FAM120C: variants seen among roughly 807,000 people sequenced by gnomAD.
FAM120C encodes the protein constitutive coactivator of PPAR-gamma-like protein 2.
Under a neutral mutation model 71.2 loss-of-function variants are expected in FAM120C, and 14 were observed. The observed-to-expected ratio is 0.20, with a 90% confidence interval of 0.13 to 0.31. The LOEUF (loss-of-function observed/expected upper bound fraction) is 0.31, where lower values mean the gene tolerates loss of function less well. FAM120C is among the 10% of genes least tolerant of loss of function. The pLI is 1.00. For synonymous variants in FAM120C, 354 were observed against 353.2 expected (o/e 1.00, Z -0.03); for missense variants, 500 against 879.0 (o/e 0.57, Z 5.45).
rs782356930 is a variant in FAM120C, at chrX:54,182,872, C to A, written c.327G>T (p.Pro109=). 47 of 1,112,831 alleles carry A rather than the reference C, an allele frequency of 4.2e-5. No individual in the cohort carries two copies. The Admixed American group carries it at 1.4e-3, about 32-fold the overall frequency. The allele number at this position is 1,112,831 out of a possible 1,213,427, so 91.7% of individuals were successfully genotyped here. A position where few individuals can be genotyped will look rare whatever the true frequency, so the allele number is the denominator to read the frequency against. Residue 109 remains proline (P), a synonymous_variant, in exon 1 of 16, where the codon CCG becomes CCT. Coordinates refer to ENST00000375180, the MANE Select transcript of FAM120C (RefSeq NM_017848.6). ...CCCGGGCCCCGGGCAGCTGAGGGGG[C>A]GGCGGCGGCGGCAGCGGAGGGTGCA... ...PGLHPPLPPP[P]PPQLPGARVL...
intron 4 of FAM120C, among the ~76,000 whole-genome samples, chrX:54,140,991 T>C (rs1177598477): frequency 1.8e-5 from 2 of 109,534 alleles, no homozygotes; most frequent in Non-Finnish European, 3.8e-5. Flanking sequence ...TAAAAACTCC[T>C]CAAATTTAGT....
intron 3 of FAM120C, among the ~76,000 whole-genome samples, chrX:54,153,600 T>C (rs1200579936): frequency 1.9e-5 from 2 of 104,443 alleles, no homozygotes; most frequent in Non-Finnish European, 3.9e-5. Flanking sequence ...GACACAGTCT[T>C]GCTGTCGCTC....
At chrX:54,099,257 T>C (rs1386211776) in intron 10 of FAM120C, among the ~76,000 whole-genome samples, 1 of 110,463 alleles carries the variant, frequency 9.1e-6, no homozygotes, top group Non-Finnish European at 1.9e-5. Context: ...TTCAAGCGAT[T>C]TTCACACCTC....
intron 1 of FAM120C, among the ~76,000 whole-genome samples, chrX:54,175,933 T>C (rs782789427): frequency 9.0e-6 from 1 of 111,326 alleles, no homozygotes; most frequent in South Asian, 3.8e-4. Flanking sequence ...ACAAACTAAA[T>C]ATAGGAAAAA....
chrX:54,107,289 G>T (rs1557124983), intron 10 of FAM120C, among the ~76,000 whole-genome samples: 1 of 108,619 alleles, frequency 9.2e-6, no homozygotes, highest in Non-Finnish European at 1.9e-5. Flanking sequence ...TAGCGACGGG[G>T]TTTCGCCATG....
At position 54,133,806 on chromosome X, in the gene FAM120C, A is replaced by G. The variant is rs782002611; in HGVS notation, c.1857T>C (p.Leu619=). The G allele has an allele frequency of 8.3e-7, 1 of 1,210,734 alleles. No homozygotes were observed. The highest frequency in any genetic ancestry group is 1.8e-5 in the South Asian group (1 of 56,790). The part of the protein sequence containing the change: ...RVAEHRHRRG[L]MYPYIYHVLT... ...GGACATGGTAGATATATGGGTACAT[A>G]AGACCCCTCCGGTGTCTGTGTTCAG... Residue 619 remains leucine (L), a synonymous_variant, in exon 8 of 16, where the codon CTT becomes CTC. Coordinates refer to ENST00000375180, the MANE Select transcript of FAM120C (RefSeq NM_017848.6).
intron 10 of FAM120C, among the ~76,000 whole-genome samples, chrX:54,098,446 T>C (rs2066865468): frequency 9.0e-6 from 1 of 111,604 alleles, no homozygotes; most frequent in Admixed American, 9.6e-5. Context: ...GATTTCTCCA[T>C]ATCCTTTTCA....
At chrX:54,113,856 C>T (rs782174942) in intron 10 of FAM120C, among the ~76,000 whole-genome samples, 3 of 110,576 alleles carry the variant, frequency 2.7e-5, no homozygotes, top group South Asian at 3.8e-4. Context: ...GCAGAGATTG[C>T]GGTGAGCCGA....
rs368939213 is a variant in FAM120C, at chrX:54,087,845, T to C, written c.2547A>G (p.Pro849=). 7 of 1,211,234 alleles carry C rather than the reference T, an allele frequency of 5.8e-6. No homozygotes were observed. In the South Asian group the frequency reaches 1.1e-4, roughly 18 times the overall value. ...GQPVPWEHCC[P]WIYFDGKLFQ... Reference sequence around the variant, plus strand: ...ACAGCTTGCCATCAAAGTAAATCCATGGACAGCAATGCTCCCAAGGGACTG... The same window carrying C: ...ACAGCTTGCCATCAAAGTAAATCCACGGACAGCAATGCTCCCAAGGGACTG... Residue 849 remains proline, a synonymous_variant, in exon 12 of 16, where the codon CCA becomes CCG. Coordinates refer to ENST00000375180, the MANE Select transcript of FAM120C (RefSeq NM_017848.6).
rs1336867485 is a variant in FAM120C, at chrX:54,071,676, C to G, written c.*1357G>C. On this transcript the variant is annotated 3_prime_UTR_variant, in exon 16 of 16. Transcript: ENST00000375180. The stretch of plus-strand genomic sequence containing the variant: ...ACTCTTCCCAATCCCATTCCAACCT[C>G]CTGTTTTCACCATATGGGATGTGAG... 8.9e-6 allele frequency: 1 copy of G among 111,983 alleles called. No homozygotes were observed. The highest frequency in any genetic ancestry group is 1.9e-5 in the Non-Finnish European group (1 of 53,200). 9.2% of individuals were successfully genotyped at this position (111,983 alleles called of 1,213,427 possible).
chrX:54,174,189 A>G lies in FAM120C; in HGVS notation c.699+8311T>C, dbSNP rs1459890977. On this transcript the variant is annotated intron_variant, in intron 1 of 15. Transcript: ENST00000375180. Reference sequence around the variant, plus strand: ...AGCAAGAAGAGCCAGAGAGAAAGAGAGAGAGAGTGCAAACAAGATGGAAGT... The same window carrying G: ...AGCAAGAAGAGCCAGAGAGAAAGAGGGAGAGAGTGCAAACAAGATGGAAGT... 1.8e-5 allele frequency: 9 copies of G among 510,405 alleles called. No individual in the cohort carries two copies. The African/African-American group carries it at 2.1e-4, about 12-fold the overall frequency. The allele number at this position is 510,405 out of a possible 1,213,427, so 42.1% of individuals were successfully genotyped here.
intron 1 of FAM120C, among the ~76,000 whole-genome samples, chrX:54,160,811 A>C (rs1225276264): frequency 1.8e-5 from 2 of 111,499 alleles, no homozygotes; most frequent in Admixed American, 1.9e-4. Context: ...TGTTAGCCCC[A>C]AGGTCATATG....
intron 3 of FAM120C, among the ~76,000 whole-genome samples, chrX:54,156,391 C>T (rs1449126005): frequency 2.2e-5 from 2 of 92,229 alleles, no homozygotes; most frequent in Admixed American, 2.6e-4. Context: ...GGTGCGATCT[C>T]GGCTCACTGT....
intron 10 of FAM120C, among the ~76,000 whole-genome samples, chrX:54,095,999 A>G (rs1466761038): frequency 1.8e-5 from 2 of 112,348 alleles, no homozygotes; most frequent in Non-Finnish European, 3.8e-5. Flanking sequence ...TATTCTATAT[A>G]CAAAAGTATA....
intron 1 of FAM120C, among the ~76,000 whole-genome samples, chrX:54,167,678 CA>C (rs1256902060): frequency 1.8e-5 from 2 of 110,270 alleles, no homozygotes; most frequent in East Asian, 5.7e-4. Context: ...TTATAGAACT[CA>C]GGGGAGGCCG....
intron 1 of FAM120C, among the ~76,000 whole-genome samples, chrX:54,167,803 TA>T (rs782012640): frequency 0.27 from 26,327 of 97,004 alleles, 5,749 homozygotes; most frequent in African/African-American, 0.74. Context: ...CGTCTCTATT[TA>T]AAAAAAAAAA....
At chrX:54,103,343 G>A (rs2066891205) in intron 10 of FAM120C, among the ~76,000 whole-genome samples, 1 of 111,130 alleles carries the variant, frequency 9.0e-6, no homozygotes, top group Non-Finnish European at 1.9e-5. Flanking sequence ...CTGGGCTTAA[G>A]GCTTGTGTAC....
chrX:54,182,607 C>T lies in FAM120C; in HGVS notation c.592G>A (p.Val198Met). The part of the protein sequence containing the change: ...QAERQTAQLI[V>M]GHVGNKGTPP... Reference sequence around the variant, plus strand: ...GTGCCCTTGTTGCCCACGTGTCCCACGATCAGTTGCGCTGTCTGCCGCTCG... The same window carrying T: ...GTGCCCTTGTTGCCCACGTGTCCCATGATCAGTTGCGCTGTCTGCCGCTCG... Residue 198 changes from valine (V) to methionine (M), a missense_variant, in exon 1 of 16, where the codon GTG becomes ATG. By Grantham distance (21) the Val-to-Met change is conservative (BLOSUM62 1). This residue lies in a region of FAM120C where 45 missense variants were observed against 140.2 expected (regional missense o/e 0.32). Coordinates refer to ENST00000375180, the MANE Select transcript of FAM120C (RefSeq NM_017848.6). 8.3e-7 allele frequency: 1 copy of T among 1,208,565 alleles called. No homozygotes were observed. Among genetic ancestry groups the T allele is most frequent in the Non-Finnish European group, 1.1e-6 (1 of 894,645 alleles).
intron 1 of FAM120C, chrX:54,171,582 GAC>G (rs1485621852): frequency 2.7e-5 from 3 of 111,357 alleles, no homozygotes; most frequent in African/African-American, 9.8e-5. Flanking sequence ...CTGGTGGCCT[GAC>G]ACATTTATGT....
Sources: gnomAD v4.1 joint callset for allele counts (sites outside exome capture counted in the v4.1 genomes callset) on GRCh38, gnomAD v4.1.1 for gene constraint, gnomAD v4.1.1 regional missense constraint, MANE v1.5 for transcripts, NCBI Gene and HGNC (gene_info 2026-07-23, HGNC 2026-07-21) for gene names.